Variants in RFPL1 observed in about 807,000 individuals in gnomAD.
The protein encoded by RFPL1 is ret finger protein-like 1.
Under a neutral mutation model 9.6 loss-of-function variants are expected in RFPL1, and 6 were observed. That is an observed-to-expected ratio of 0.62 (90% CI 0.34 to 1.23). The LOEUF (loss-of-function observed/expected upper bound fraction) is 1.23, where lower values mean the gene tolerates loss of function less well. Among genes scored for constraint, RFPL1 ranks in the 50% most tolerant of loss-of-function variants. The pLI is 0.03. For synonymous variants in RFPL1, 145 were observed against 149.4 expected (o/e 0.97, Z 0.22); for missense variants, 352 against 398.4 (o/e 0.88, Z 0.99).
chr22:29,392,180 A>G, the RFPL1 span, among the ~76,000 whole-genome samples: 1 of 151,926 alleles, frequency 6.6e-6, no homozygotes, highest in Non-Finnish European at 1.5e-5. Context: ...CCCGGGCTCA[A>G]GCAATTCTCC....
the RFPL1 span, among the ~76,000 whole-genome samples, chr22:29,430,204 T>C: frequency 1.2e-3 from 173 of 149,742 alleles, 2 homozygotes; most frequent in African/African-American, 4.0e-3. Context: ...AGATGATTTT[T>C]GGGGGGCAGT....
the RFPL1 span, among the ~76,000 whole-genome samples, chr22:29,422,446 T>C: frequency 6.6e-6 from 1 of 152,116 alleles, no homozygotes; most frequent in Non-Finnish European, 1.5e-5. Flanking sequence ...GGCATGGTGG[T>C]GCATGCCTGT....
the RFPL1 span, among the ~76,000 whole-genome samples, chr22:29,402,557 T>C: frequency 6.6e-6 from 1 of 152,112 alleles, no homozygotes; most frequent in East Asian, 1.9e-4. Flanking sequence ...GTCATCACGC[T>C]TTATCGAGAG....
At chr22:29,391,804 T>C in the RFPL1 span, among the ~76,000 whole-genome samples, 1 of 152,132 alleles carries the variant, frequency 6.6e-6, no homozygotes, top group Non-Finnish European at 1.5e-5. Context: ...GGGAGCCAGG[T>C]GTCTGAGTCC....
chr22:29,432,132 C>G, the RFPL1 span, among the ~76,000 whole-genome samples: 2 of 152,212 alleles, frequency 1.3e-5, no homozygotes, highest in Admixed American at 6.5e-5. Flanking sequence ...TGGATGGATT[C>G]CATTCGGCTC....
chr22:29,411,580 C>T, the RFPL1 span, among the ~76,000 whole-genome samples: 1 of 151,136 alleles, frequency 6.6e-6, no homozygotes, highest in East Asian at 2.0e-4. Flanking sequence ...AAATCTCAGC[C>T]ACTTTTACCT....
chr22:29,400,718 G>C, the RFPL1 span, among the ~76,000 whole-genome samples: 2 of 152,138 alleles, frequency 1.3e-5, no homozygotes, highest in African/African-American at 2.4e-5. Context: ...CTCAGTTGAT[G>C]TCTTTACTTT....
the RFPL1 span, among the ~76,000 whole-genome samples, chr22:29,419,851 G>C: frequency 6.6e-6 from 1 of 151,738 alleles, no homozygotes; most frequent in Non-Finnish European, 1.5e-5. Context: ...AGGCCACTCT[G>C]GATTGAAGCA....
At chr22:29,394,551 A>C in the RFPL1 span, among the ~76,000 whole-genome samples, 54 of 152,100 alleles carry the variant, frequency 3.6e-4, 1 homozygote. Context: ...CATGTTGGCT[A>C]GGCTGGTCTC....
the RFPL1 span, among the ~76,000 whole-genome samples, chr22:29,393,326 C>T: frequency 6.6e-6 from 1 of 152,214 alleles, no homozygotes; most frequent in Non-Finnish European, 1.5e-5. Context: ...TTCTTCCCTA[C>T]TTCCATGAGG....
exon 2 of RFPL1, chr22:29,442,058 G>T: frequency 8.7e-6 from 14 of 1,613,040 alleles, no homozygotes; most frequent in Non-Finnish European, 1.2e-5. Context: ...AGTGTCTTGA[G>T]TATCTGTCCT....
At chr22:29,397,474 G>T in the RFPL1 span, among the ~76,000 whole-genome samples, 2,809 of 152,180 alleles carry the variant, frequency 0.018, 36 homozygotes, top group Middle Eastern at 0.027. Context: ...CCAGTGGCTG[G>T]ACGAGGACAG....
the RFPL1 span, among the ~76,000 whole-genome samples, chr22:29,425,361 C>A: frequency 1.3e-5 from 2 of 152,140 alleles, no homozygotes; most frequent in African/African-American, 4.8e-5. Flanking sequence ...TTGCAGGGAA[C>A]ACAGAAGCAG....
the RFPL1 span, among the ~76,000 whole-genome samples, chr22:29,392,323 G>A: frequency 7.1e-6 from 1 of 140,136 alleles, no homozygotes; most frequent in African/African-American, 2.7e-5. Context: ...CAGGTGATCC[G>A]CCCGCCTTGG....
At chr22:29,419,659 G>A in the RFPL1 span, among the ~76,000 whole-genome samples, 1 of 151,604 alleles carries the variant, frequency 6.6e-6, no homozygotes, top group African/African-American at 2.4e-5. Context: ...AAAAATCAGC[G>A]CGATTTTTTG....
the RFPL1 span, among the ~76,000 whole-genome samples, chr22:29,423,624 A>G: frequency 2.6e-5 from 4 of 152,330 alleles, no homozygotes; most frequent in East Asian, 7.7e-4. Context: ...TTTGCTCAGC[A>G]CTGTCCTAAA....
At chr22:29,438,861 T>C (rs1342566293) in exon 1 of RFPL1, 1 of 1,613,908 alleles carries the variant, frequency 6.2e-7, no homozygotes, top group South Asian at 1.1e-5. Flanking sequence ...CTTGTGCACT[T>C]TTCCCCTGGC....
the RFPL1 span, among the ~76,000 whole-genome samples, chr22:29,409,455 C>T: frequency 0.047 from 7,179 of 152,228 alleles, 258 homozygotes; most frequent in Non-Finnish European, 0.075. Context: ...AGCAACAGCT[C>T]GGTCCAAGCT....
chr22:29,420,281 T>C, the RFPL1 span, among the ~76,000 whole-genome samples: 1 of 152,214 alleles, frequency 6.6e-6, no homozygotes, highest in Non-Finnish European at 1.5e-5. Flanking sequence ...CATGGACAGA[T>C]AGTCAGGACC....
Sources: allele counts gnomAD v4.1 joint callset (sites outside exome capture counted in the v4.1 genomes callset), GRCh38; gene constraint gnomAD v4.1.1; transcripts MANE v1.5; gene names NCBI Gene and HGNC (gene_info 2026-07-23, HGNC 2026-07-21).